TFB1M: variants seen among roughly 807,000 people sequenced by gnomAD.
TFB1M encodes dimethyladenosine transferase 1, mitochondrial.
Under a neutral mutation model 31.1 loss-of-function variants are expected in TFB1M, and 27 were observed. The ratio of observed to expected loss-of-function variants is 0.87; its 90% confidence interval spans 0.64 to 1.20. The LOEUF (loss-of-function observed/expected upper bound fraction) is 1.20. TFB1M is among the 50% of genes most tolerant of loss of function. TFB1M has a pLI of 0.00. For synonymous variants in TFB1M, 166 were observed against 151.8 expected, an observed-to-expected ratio of 1.09 and a Z score of -0.69; for missense variants, 394 against 418.7, an observed-to-expected ratio of 0.94 and a Z score of 0.51.
intron 1 of TFB1M, among the ~76,000 whole-genome samples, chr6:155,312,755 G>T (rs533798851): frequency 6.6e-6 from 1 of 151,992 alleles, no homozygotes; most frequent in African/African-American, 2.4e-5. Flanking sequence ...ACTTACTCCT[G>T]AAGATAAAGG....
chr6:155,256,491 C>A lies in TFB1M; in HGVS notation c.*1345G>T, dbSNP rs1160126273. 6.2e-7 allele frequency: 1 copy of A among 1,614,174 alleles called. No homozygotes were observed. ...GTGTTTTTCTCACTGTAGCTTCATC[C>A]AGGTCTTTAAAAGTCCTGAAGAATT... On this transcript the variant is annotated 3_prime_UTR_variant, in exon 7 of 7. Transcript: ENST00000367166.
the TFB1M span, among the ~76,000 whole-genome samples, chr6:155,239,339 C>T: frequency 6.6e-6 from 1 of 152,152 alleles, no homozygotes; most frequent in Non-Finnish European, 1.5e-5. Flanking sequence ...AGAGGTGGGC[C>T]GAGTACCTCC....
intron 5 of TFB1M, among the ~76,000 whole-genome samples, chr6:155,278,240 T>C (rs916179512): frequency 6.6e-6 from 1 of 152,186 alleles, no homozygotes; most frequent in Non-Finnish European, 1.5e-5. Context: ...CACGGACCTC[T>C]CCTGTAAACT....
At chr6:155,311,391 T>C (rs1191456027) in intron 1 of TFB1M, 52 bp from the exon 2 acceptor site, 4 of 1,496,960 alleles carry the variant, frequency 2.7e-6, no homozygotes, top group Non-Finnish European at 3.7e-6. Flanking sequence ...AATTTCAACG[T>C]ATGAAATTTA....
chr6:155,244,916 C>T, the TFB1M span: 1 of 1,156,692 alleles, frequency 8.6e-7, no homozygotes, highest in Non-Finnish European at 1.2e-6. Context: ...TGACTATTTC[C>T]TTGCACCGTT....
intron 5 of TFB1M, among the ~76,000 whole-genome samples, chr6:155,274,945 G>A (rs1342140082): frequency 2.0e-5 from 3 of 152,154 alleles, no homozygotes; most frequent in African/African-American, 7.2e-5. Flanking sequence ...TGGGCGAGGC[G>A]TGGTGGCTCA....
In TFB1M at chr6:155,279,240, C is replaced by T. The variant is rs958165245; in HGVS notation, c.666+5918G>A. Reference sequence around the variant, plus strand: ...TTTTTTTTTTTTAACCTGTGGAGCACGTGTATATCTATACATATGACTGAA... The same window carrying T: ...TTTTTTTTTTTTAACCTGTGGAGCATGTGTATATCTATACATATGACTGAA... On this transcript the variant is annotated intron_variant, in intron 5 of 6. Coordinates refer to ENST00000367166, the MANE Select transcript of TFB1M (RefSeq NM_016020.4). Among the ~76,000 whole-genome samples the T allele has an allele frequency of 7.3e-5, 11 of 149,868 alleles. No homozygotes were observed. In the East Asian group the frequency reaches 1.8e-3, roughly 24 times the overall value.
chr6:155,279,659 A>C (rs1320998890), intron 5 of TFB1M, among the ~76,000 whole-genome samples: 1 of 152,242 alleles, frequency 6.6e-6, no homozygotes, highest in African/African-American at 2.4e-5. Context: ...AGCCTAGCCT[A>C]TAATTCTGCA....
chr6:155,291,416 A>C (rs1257814429), intron 4 of TFB1M, among the ~76,000 whole-genome samples: 2 of 152,212 alleles, frequency 1.3e-5, no homozygotes, highest in African/African-American at 4.8e-5. Context: ...GCCCAATTCA[A>C]ACCAACCCAA....
At chr6:155,278,419 T>C (rs1785318591) in intron 5 of TFB1M, among the ~76,000 whole-genome samples, 1 of 152,206 alleles carries the variant, frequency 6.6e-6, no homozygotes. Context: ...ATTTAAGAAG[T>C]CATGAAATTA....
intron 5 of TFB1M, among the ~76,000 whole-genome samples, chr6:155,274,899 T>G (rs1414816899): frequency 6.6e-6 from 1 of 152,234 alleles, no homozygotes; most frequent in Non-Finnish European, 1.5e-5. Context: ...TCTTCCTTAT[T>G]ATGTATTGAG....
intron 2 of TFB1M, among the ~76,000 whole-genome samples, chr6:155,300,854 G>GA (rs1777396263): frequency 6.6e-6 from 1 of 152,036 alleles, no homozygotes; most frequent in African/African-American, 2.4e-5. Flanking sequence ...GCCCAGGCTG[G>GA]AGTGCAGTGG....
At chr6:155,242,598 C>A in the TFB1M span, among the ~76,000 whole-genome samples, 1 of 152,180 alleles carries the variant, frequency 6.6e-6, no homozygotes, top group East Asian at 1.9e-4. Flanking sequence ...GTCTTAGGTT[C>A]CCCTCTTGGG....
intron 2 of TFB1M, chr6:155,303,081 AATT>A (rs1777508872): frequency 6.6e-6 from 1 of 152,214 alleles, no homozygotes. Flanking sequence ...GACACATAAT[AATT>A]GTGTGTTCTT....
At chr6:155,240,628 T>A in the TFB1M span, 1 of 1,614,104 alleles carries the variant, frequency 6.2e-7, no homozygotes, top group Non-Finnish European at 8.5e-7. Flanking sequence ...CTCCGAGGTC[T>A]CTGGCCCGCC....
chr6:155,249,719 G>C, the TFB1M span: 38 of 650,124 alleles, frequency 5.8e-5, no homozygotes, highest in Non-Finnish European at 9.4e-5. Context: ...GACTTATTCT[G>C]AATGTAATGC....
intron 4 of TFB1M, among the ~76,000 whole-genome samples, chr6:155,285,772 T>G (rs1340939147): frequency 6.6e-6 from 1 of 152,232 alleles, no homozygotes; most frequent in South Asian, 2.1e-4. Flanking sequence ...TTGGCTGTTC[T>G]TGACAAATAA....
chr6:155,281,021 C>T (rs1356773983), intron 5 of TFB1M, among the ~76,000 whole-genome samples: 1 of 152,088 alleles, frequency 6.6e-6, no homozygotes, highest in Non-Finnish European at 1.5e-5. Context: ...TACCACACTT[C>T]CAAATAGGAA....
At chr6:155,285,935 A>G (rs1040419045) in intron 4 of TFB1M, among the ~76,000 whole-genome samples, 8 of 152,164 alleles carry the variant, frequency 5.3e-5, no homozygotes, top group African/African-American at 1.9e-4. Flanking sequence ...TGTATTATAT[A>G]TATATTTAAA....
Sources: gnomAD v4.1 joint callset for allele counts (sites outside exome capture counted in the v4.1 genomes callset) on GRCh38, gnomAD v4.1.1 for gene constraint, MANE v1.5 for transcripts, NCBI Gene and HGNC (gene_info 2026-07-23, HGNC 2026-07-21) for gene names.